DNAJC24: variants seen among roughly 807,000 people sequenced by gnomAD.
DNAJC24 encodes the protein dnaJ homolog subfamily C member 24.
DNAJC24 carries 17 observed loss-of-function variants against 18.0 expected under a neutral mutation model. The ratio of observed to expected loss-of-function variants is 0.94; its 90% confidence interval spans 0.65 to 1.42. The LOEUF is 1.42. DNAJC24 is among the 40% of genes most tolerant of loss of function. The pLI is 0.00. For missense variants in DNAJC24, 158 were observed against 175.6 expected (o/e 0.90, Z 0.57); for synonymous variants, 55 against 57.7 (o/e 0.95, Z 0.21).
At chr11:31,403,851 G>T (rs976330683) in intron 2 of DNAJC24, among the ~76,000 whole-genome samples, 5 of 152,178 alleles carry the variant, frequency 3.3e-5, no homozygotes, top group African/African-American at 1.2e-4. Context: ...AGACTTCAGG[G>T]TGAGTCCATA....
At chr11:31,386,144 G>A (rs1014241912) in intron 2 of DNAJC24, among the ~76,000 whole-genome samples, 1 of 152,032 alleles carries the variant, frequency 6.6e-6, no homozygotes, top group Non-Finnish European at 1.5e-5. Context: ...AGTTCTCTGG[G>A]GTCATAAGTA....
At chr11:31,411,194 A>G (rs1425346160) in intron 2 of DNAJC24, among the ~76,000 whole-genome samples, 1 of 152,204 alleles carries the variant, frequency 6.6e-6, no homozygotes, top group Non-Finnish European at 1.5e-5. Flanking sequence ...TTGAGATCGG[A>G]AAGTCTTTAA....
chr11:31,398,364 A>G (rs1235971930), intron 2 of DNAJC24, among the ~76,000 whole-genome samples: 1 of 152,172 alleles, frequency 6.6e-6, no homozygotes, highest in African/African-American at 2.4e-5. Context: ...ATTAATTTTG[A>G]ACACCTATAT....
chr11:31,374,943 G>A (rs1238224743), intron 2 of DNAJC24, among the ~76,000 whole-genome samples: 3 of 133,992 alleles, frequency 2.2e-5, no homozygotes, highest in East Asian at 3.9e-4. Flanking sequence ...CTTCTCTCCT[G>A]TTTGTTCTTA....
At chr11:31,374,043 G>T in intron 2 of DNAJC24, 1 of 340,614 alleles carries the variant, frequency 2.9e-6, no homozygotes, top group South Asian at 2.3e-5. Context: ...TGCAGATAAC[G>T]AGAGTTTTAA....
chr11:31,390,094 G>A (rs1029041168), intron 2 of DNAJC24, among the ~76,000 whole-genome samples: 6 of 152,002 alleles, frequency 3.9e-5, no homozygotes, highest in South Asian at 2.1e-4. Context: ...AATAAGTAAC[G>A]AGATCGAAGA....
chr11:31,409,341 A>T (rs889711260), intron 2 of DNAJC24, among the ~76,000 whole-genome samples: 1 of 152,174 alleles, frequency 6.6e-6, no homozygotes, highest in Non-Finnish European at 1.5e-5. Flanking sequence ...ATACCACCCC[A>T]AATAAGATAT....
At chr11:31,413,867 A>G (rs1287523365) in intron 2 of DNAJC24, among the ~76,000 whole-genome samples, 7 of 152,176 alleles carry the variant, frequency 4.6e-5, no homozygotes, top group Admixed American at 4.6e-4. Context: ...AATTTAGATA[A>G]TCTTTTCACA....
intron 2 of DNAJC24, among the ~76,000 whole-genome samples, chr11:31,404,970 T>C (rs974608811): frequency 3.3e-5 from 5 of 152,078 alleles, no homozygotes; most frequent in East Asian, 1.9e-4. Flanking sequence ...ATGACACTTA[T>C]TCCCTTTTTG....
At chr11:31,386,160 G>C (rs1398797010) in intron 2 of DNAJC24, among the ~76,000 whole-genome samples, 1 of 152,046 alleles carries the variant, frequency 6.6e-6, no homozygotes, top group Non-Finnish European at 1.5e-5. Context: ...AAGTAAACTT[G>C]AAAGGCAGTC....
chr11:31,395,365 ATGTGTC>A (rs1193845736), intron 2 of DNAJC24, among the ~76,000 whole-genome samples: 1 of 152,030 alleles, frequency 6.6e-6, no homozygotes. Context: ...TCCATGTCCT[ATGTGTC>A]TTTGTGGTGT....
intron 3 of DNAJC24, chr11:31,417,306 A>C (rs1952758982): frequency 6.6e-6 from 1 of 152,104 alleles, no homozygotes; most frequent in African/African-American, 2.4e-5. Flanking sequence ...CTATTTTTCA[A>C]AACTCTTACA....
intron 2 of DNAJC24, among the ~76,000 whole-genome samples, chr11:31,386,152 G>A (rs1365378872): frequency 2.0e-5 from 3 of 152,076 alleles, no homozygotes; most frequent in Non-Finnish European, 4.4e-5. Flanking sequence ...GGGGTCATAA[G>A]TAAACTTGAA....
intron 2 of DNAJC24, among the ~76,000 whole-genome samples, chr11:31,385,874 C>T (rs970995780): frequency 2.0e-5 from 3 of 152,172 alleles, no homozygotes; most frequent in Non-Finnish European, 4.4e-5. Context: ...CTTTAATCAC[C>T]TACACCATCT....
intron 2 of DNAJC24, among the ~76,000 whole-genome samples, chr11:31,397,816 T>A (rs538673331): frequency 1.3e-5 from 2 of 152,206 alleles, no homozygotes; most frequent in Admixed American, 1.3e-4. Flanking sequence ...TTCTTTTTTT[T>A]TTTTATTTTC....
At chr11:31,424,465 C>T (rs1428312981) in intron 3 of DNAJC24, among the ~76,000 whole-genome samples, 1 of 152,028 alleles carries the variant, frequency 6.6e-6, no homozygotes, top group African/African-American at 2.4e-5. Context: ...ATTTTTGTCC[C>T]CACTCATGAA....
At position 31,376,788 on chromosome 11, in the gene DNAJC24, C is replaced by A. The variant is rs888017405; in HGVS notation, c.111+5929C>A. Among the ~76,000 whole-genome samples, 4 of 152,064 alleles carry A rather than the reference C, an allele frequency of 2.6e-5. 1 individual carries two copies. In the South Asian group the frequency reaches 8.3e-4, roughly 32 times the overall value. On this transcript the variant is annotated intron_variant, in intron 2 of 4. Transcript: ENST00000465995. ...ATTTCCATAGAACACCTCATTTATG[C>A]ACAGTTAATTAAGTATTATGGAAGG...
chr11:31,381,819 C>T (rs1277015707), intron 2 of DNAJC24, among the ~76,000 whole-genome samples: 1 of 152,020 alleles, frequency 6.6e-6, no homozygotes, highest in Non-Finnish European at 1.5e-5. Context: ...TCAGATGATC[C>T]GCCTGCCTCT....
At position 31,430,727 on chromosome 11, in the gene DNAJC24, G is replaced by A. The variant is rs1318319997; in HGVS notation, c.*326G>A. On this transcript the variant is annotated 3_prime_UTR_variant, in exon 5 of 5. Coordinates refer to ENST00000465995, the MANE Select transcript of DNAJC24 (RefSeq NM_181706.5). ...TGAGCATGTCTCCTCTTTTCAGTGG[G>A]TAACAGTATCATCATATTCCTTTAT... 1.3e-5 allele frequency: 2 copies of A among 155,846 alleles called. No homozygotes were observed. Among genetic ancestry groups the A allele is most frequent in the African/African-American group, 4.8e-5 (2 of 41,474 alleles). 9.7% of individuals were successfully genotyped at this position (155,846 alleles called of 1,614,324 possible).
Sources: allele counts gnomAD v4.1 joint callset (sites outside exome capture counted in the v4.1 genomes callset), GRCh38; gene constraint gnomAD v4.1.1; transcripts MANE v1.5; gene names NCBI Gene and HGNC (gene_info 2026-07-23, HGNC 2026-07-21).